Variants in CCDC178 observed in about 807,000 individuals in gnomAD.
CCDC178 encodes coiled-coil domain containing 178.
Under a neutral mutation model 117.4 loss-of-function variants are expected in CCDC178, and 126 were observed. The observed-to-expected ratio is 1.07, with a 90% CI of 0.93 to 1.24. The LOEUF is 1.24. Among genes scored for constraint, CCDC178 ranks in the 50% most tolerant of loss-of-function variants. CCDC178 has a pLI of 0.00. For missense variants in CCDC178, 1,030 were observed against 986.9 expected, an observed-to-expected ratio of 1.04 and a Z score of -0.59; for synonymous variants, 283 against 313.4, an observed-to-expected ratio of 0.90 and a Z score of 1.02.
intron 20 of CCDC178, among the ~76,000 whole-genome samples, chr18:33,130,105 G>C (rs1260115976): frequency 6.6e-6 from 1 of 151,868 alleles, no homozygotes; most frequent in East Asian, 1.9e-4. Flanking sequence ...ATTTAAGATA[G>C]ACTTATGTAT....
intron 10 of CCDC178, 90 bp downstream of exon 10, chr18:33,333,084 C>A (rs1372591096): frequency 2.8e-4 from 165 of 596,148 alleles, no homozygotes; most frequent in Middle Eastern, 1.4e-3. Context: ...AAAAAAAAAA[C>A]CTTTAAAGCT....
Position 33,293,302 on chromosome 18 carries a change from A to G in CCDC178, c.1033T>C (p.Tyr345His), listed in dbSNP as rs2144877211. The G allele has an allele frequency of 2.0e-6, 3 of 1,497,442 alleles. No homozygotes were observed. The highest frequency in any genetic ancestry group is 2.3e-5 in the East Asian group (1 of 43,606). 92.8% of individuals were successfully genotyped at this position (1,497,442 alleles called of 1,614,324 possible). A position where few individuals can be genotyped will look rare whatever the true frequency, so the allele number is the denominator to read the frequency against. ...KTIEAYKREIYQLNSLFDHYS... is the reference protein window; with the variant it reads ...KTIEAYKREIHQLNSLFDHYS... Reference sequence around the variant, plus strand: ...TGATCAAATAGACTGTTAAGTTGATATATCTCTCTCCTAGGGATAAAAACA... The same window carrying G: ...TGATCAAATAGACTGTTAAGTTGATGTATCTCTCTCCTAGGGATAAAAACA... Residue 345 changes from tyrosine (Y) to histidine (H), a missense_variant, in exon 12 of 23, where the codon TAT (tyrosine) becomes CAT (histidine). Coordinates refer to ENST00000383096, the MANE Select transcript of CCDC178 (RefSeq NM_001105528.4).
chr18:33,019,276 G>C (rs1270715062), intron 21 of CCDC178, among the ~76,000 whole-genome samples: 2 of 152,166 alleles, frequency 1.3e-5, no homozygotes, highest in Non-Finnish European at 2.9e-5. Context: ...AAGAAAGGTG[G>C]AGGGTACTAT....
chr18:33,025,411 A>G (rs1191957595), intron 21 of CCDC178, among the ~76,000 whole-genome samples: 2 of 152,214 alleles, frequency 1.3e-5, no homozygotes, highest in Non-Finnish European at 2.9e-5. Context: ...GCTTACTAAA[A>G]TTAAAACTTT....
At chr18:33,365,961 AAG>A (rs1199958776) in intron 6 of CCDC178, among the ~76,000 whole-genome samples, 1 of 152,110 alleles carries the variant, frequency 6.6e-6, no homozygotes, top group Non-Finnish European at 1.5e-5. Context: ...CTCCACTCTG[AAG>A]AGTTTTTCAG....
intron 20 of CCDC178, among the ~76,000 whole-genome samples, chr18:33,129,878 T>G (rs908027129): frequency 6.6e-6 from 1 of 152,028 alleles, no homozygotes; most frequent in African/African-American, 2.4e-5. Flanking sequence ...TTCTTTACTT[T>G]GCATTGGAGT....
intron 20 of CCDC178, among the ~76,000 whole-genome samples, chr18:33,172,372 T>C (rs2058612313): frequency 6.6e-6 from 1 of 152,128 alleles, no homozygotes; most frequent in African/African-American, 2.4e-5. Flanking sequence ...AATCATTATA[T>C]ATTTAGAGTT....
At chr18:33,272,634 A>T (rs2059903888) in intron 12 of CCDC178, among the ~76,000 whole-genome samples, 1 of 151,590 alleles carries the variant, frequency 6.6e-6, no homozygotes, top group African/African-American at 2.4e-5. Flanking sequence ...GTGAATTTAG[A>T]CACAAAAATC....
intron 2 of CCDC178, among the ~76,000 whole-genome samples, chr18:33,424,753 G>A (rs999007309): frequency 6.6e-6 from 1 of 152,218 alleles, no homozygotes; most frequent in Non-Finnish European, 1.5e-5. Flanking sequence ...CAGAGCTAGA[G>A]CAGACAGCTC....
At chr18:33,316,182 G>A (rs1197525839) in intron 11 of CCDC178, among the ~76,000 whole-genome samples, 2 of 152,212 alleles carry the variant, frequency 1.3e-5, no homozygotes, top group Admixed American at 6.5e-5. Context: ...TTTTTGGGCT[G>A]GCCAAGGCCG....
intron 21 of CCDC178, among the ~76,000 whole-genome samples, chr18:33,049,919 T>C (rs1054851940): frequency 3.3e-5 from 5 of 151,498 alleles, no homozygotes; most frequent in African/African-American, 9.8e-5. Context: ...CTGTCTCTAC[T>C]AAAAATACAA....
intron 21 of CCDC178, among the ~76,000 whole-genome samples, chr18:33,021,124 T>G (rs893139205): frequency 8.5e-5 from 13 of 152,204 alleles, no homozygotes; most frequent in Non-Finnish European, 1.3e-4. Context: ...CATAGGTTCA[T>G]TAATTGAAGC....
At chr18:33,261,079 T>TCTGTTTG (rs79663322) in intron 14 of CCDC178, among the ~76,000 whole-genome samples, 10 of 62,214 alleles carry the variant, frequency 1.6e-4, no homozygotes, top group African/African-American at 4.0e-4. Flanking sequence ...GGTTTTTTTT[T>TCTGTTTG]TCTGTTTGTT....
At chr18:33,192,885 G>A (rs1169155068) in intron 20 of CCDC178, among the ~76,000 whole-genome samples, 1 of 136,766 alleles carries the variant, frequency 7.3e-6, no homozygotes, top group Non-Finnish European at 1.6e-5. Flanking sequence ...TGGGTGACAA[G>A]AGCAAAACTC....
chr18:33,043,673 T>TC (rs2056590223), intron 21 of CCDC178, among the ~76,000 whole-genome samples: 2 of 152,024 alleles, frequency 1.3e-5, no homozygotes, highest in African/African-American at 4.8e-5. Flanking sequence ...TATCAAATGC[T>TC]CCAAGACACT....
At chr18:33,420,578 C>T (rs564370423) in intron 2 of CCDC178, among the ~76,000 whole-genome samples, 171 of 152,286 alleles carry the variant, frequency 1.1e-3, no homozygotes, top group African/African-American at 4.0e-3. Flanking sequence ...TGGTCTTGAA[C>T]TCCTGACCTC....
At chr18:32,952,638 C>T (rs1470173027) in intron 22 of CCDC178, among the ~76,000 whole-genome samples, 4 of 152,212 alleles carry the variant, frequency 2.6e-5, no homozygotes, top group Non-Finnish European at 5.9e-5. Context: ...GCCCTGGAGA[C>T]ATTTTCCCCA....
intron 21 of CCDC178, among the ~76,000 whole-genome samples, chr18:33,008,199 A>G (rs906704196): frequency 6.6e-6 from 1 of 152,124 alleles, no homozygotes; most frequent in African/African-American, 2.4e-5. Flanking sequence ...TCAATCCCCA[A>G]GCCAATACTC....
rs2062544358 is a variant in CCDC178, at chr18:33,323,532, A to T, written c.981T>A (p.Asp327Glu). The T allele has an allele frequency of 1.3e-6, 2 of 1,566,758 alleles. No homozygotes were observed. Among genetic ancestry groups the T allele is most frequent in the African/African-American group, 2.8e-5 (2 of 72,712 alleles). ...TTTTTTCATCCTGGTAAATATCCTTATCAATCTCTTCTTTAATTTGCTGAG... is the reference window on the plus strand; with the variant it reads ...TTTTTTCATCCTGGTAAATATCCTTTTCAATCTCTTCTTTAATTTGCTGAG... ...LKAQQIKEEI[D>E]KDIYQDEKTI... is the part of the protein sequence containing the mutation. Residue 327 changes from aspartate (D) to glutamate (E), a missense_variant, in exon 11 of 23, where the codon GAT (aspartate) becomes GAA (glutamate). Coordinates refer to ENST00000383096, the MANE Select transcript of CCDC178 (RefSeq NM_001105528.4).
Sources: gnomAD v4.1 joint callset for allele counts (sites outside exome capture counted in the v4.1 genomes callset) on GRCh38, gnomAD v4.1.1 for gene constraint, MANE v1.5 for transcripts, NCBI Gene and HGNC (gene_info 2026-07-23, HGNC 2026-07-21) for gene names.